Variants in CCNJL observed in about 807,000 individuals in gnomAD.
The protein encoded by CCNJL is cyclin J like.
In CCNJL, 33 loss-of-function variants were observed where a neutral mutation model predicts 33.4. The observed-to-expected ratio is 0.99, with a 90% CI of 0.75 to 1.32. The LOEUF (loss-of-function observed/expected upper bound fraction) is 1.32. Ranked by LOEUF, CCNJL falls within the 40% of genes most tolerant of loss-of-function variation. The pLI, the probability that CCNJL is intolerant of heterozygous loss-of-function variation, is 0.00. For synonymous variants in CCNJL, 227 were observed against 220.9 expected, an observed-to-expected ratio of 1.03 and a Z score of -0.24; for missense variants, 512 against 499.7, an observed-to-expected ratio of 1.02 and a Z score of -0.23.
At chr5:160,273,669 CAG>C (rs1175889901) in intron 3 of CCNJL, among the ~76,000 whole-genome samples, 1 of 104,098 alleles carries the variant, frequency 9.6e-6, no homozygotes, top group Non-Finnish European at 1.8e-5. Flanking sequence ...TTTTTTGAGA[CAG>C]AGTCTCACTC....
chr5:160,326,743 C>T (rs1763541904), intron 1 of CCNJL: 1 of 872,802 alleles, frequency 1.1e-6, no homozygotes, highest in Non-Finnish European at 1.9e-6. Context: ...TGGTGCAGCC[C>T]ATCAATCTCA....
intron 1 of CCNJL, among the ~76,000 whole-genome samples, chr5:160,337,272 C>T (rs1195179663): frequency 1.3e-5 from 2 of 151,592 alleles, no homozygotes; most frequent in East Asian, 3.9e-4. Flanking sequence ...TGTCTCGCCT[C>T]GCCTCCCAAA....
In CCNJL at chr5:160,280,555, T is replaced by C; in HGVS notation, c.250A>G (p.Thr84Ala). The change falls in exon 3 of 6, where the codon ACC becomes GCC. Residue 84 changes from threonine (T) to alanine (A), a missense_variant. Coordinates refer to ENST00000257536, the MANE Select transcript of CCNJL (RefSeq NM_001308173.3). The stretch of plus-strand genomic sequence containing the variant: ...AGCAGGAGGCAGGAGACGGCCACGG[T>C]GTAGAGCTGCTTGGAGGTGGTGACG... ...YNVTTSKQLY[T>A]VAVSCLLLAS... The C allele has an allele frequency of 6.2e-7, 1 of 1,613,030 alleles. No homozygotes were observed. The highest frequency in any genetic ancestry group is 8.5e-7 in the Non-Finnish European group (1 of 1,179,934).
intron 2 of CCNJL, among the ~76,000 whole-genome samples, chr5:160,303,448 C>T (rs936409849): frequency 6.6e-6 from 1 of 151,756 alleles, no homozygotes; most frequent in Non-Finnish European, 1.5e-5. Context: ...TCAAGTGAGC[C>T]ACCTGCCTCA....
intron 1 of CCNJL, among the ~76,000 whole-genome samples, chr5:160,320,175 C>T (rs1763422705): frequency 6.6e-6 from 1 of 152,156 alleles, no homozygotes; most frequent in Non-Finnish European, 1.5e-5. Flanking sequence ...CATGAAGAAT[C>T]ATGAGGTATA....
At chr5:160,304,540 G>A (rs1348274704) in intron 2 of CCNJL, among the ~76,000 whole-genome samples, 2 of 150,142 alleles carry the variant, frequency 1.3e-5, no homozygotes, top group Non-Finnish European at 3.0e-5. Context: ...AGATAGCCCT[G>A]CCATTAGAGG....
rs70990720 is a variant in CCNJL at position 160,282,966 on chromosome 5, AATATATATATATATATATATATAT to A, written c.67-2252_67-2229del. ...GTGACCCAGCCATTCCAGTCCTTGG[AATATATATATATATATATATATAT>A]ATATATATATATATATATACATATA... On this transcript the variant is annotated intron_variant, in intron 2 of 5. Coordinates refer to ENST00000257536, the MANE Select transcript of CCNJL (RefSeq NM_001308173.3). Among the ~76,000 whole-genome samples the A allele has an allele frequency of 2.5e-3, 110 of 43,392 alleles. 5 individuals are homozygous for A. The highest frequency in any genetic ancestry group is 5.1e-3 in the South Asian group (6 of 1,180). 28.5% of individuals were successfully genotyped at this position (43,392 alleles called of 152,430 possible). A position where few individuals can be genotyped will look rare whatever the true frequency, so the allele number is the denominator to read the frequency against.
chr5:160,290,134 G>GTGAA (rs1762535816), intron 2 of CCNJL, among the ~76,000 whole-genome samples: 1 of 152,218 alleles, frequency 6.6e-6, no homozygotes, highest in Non-Finnish European at 1.5e-5. Context: ...AGGGGAGGAA[G>GTGAA]TGAAGTCCTC....
chr5:160,314,199 G>T (rs1025116150), upstream of CCNJL, among the ~76,000 whole-genome samples: 3 of 152,112 alleles, frequency 2.0e-5, no homozygotes, highest in African/African-American at 7.2e-5. Context: ...AAACTGGGGG[G>T]ACAGACCTGT....
chr5:160,330,732 C>T (rs772899989), intron 1 of CCNJL, among the ~76,000 whole-genome samples: 6 of 151,604 alleles, frequency 4.0e-5, no homozygotes, highest in South Asian at 4.2e-4. Context: ...GGTGCGGTCT[C>T]GGCTAACTGC....
intron 3 of CCNJL, among the ~76,000 whole-genome samples, chr5:160,273,121 G>A (rs978628229): frequency 6.6e-5 from 10 of 152,198 alleles, no homozygotes; most frequent in African/African-American, 2.2e-4. Flanking sequence ...TGTTATTCAT[G>A]TCAGTTATGC....
chr5:160,304,226 C>T (rs921983203), intron 2 of CCNJL, among the ~76,000 whole-genome samples: 1 of 152,210 alleles, frequency 6.6e-6, no homozygotes, highest in African/African-American at 2.4e-5. Flanking sequence ...CAAGTGACAA[C>T]GCCAAGTTCT....
At chr5:160,307,568 T>C (rs563169163) in intron 2 of CCNJL, among the ~76,000 whole-genome samples, 2 of 152,308 alleles carry the variant, frequency 1.3e-5, no homozygotes, top group South Asian at 2.1e-4. Context: ...TGGACAGACC[T>C]GGCACAGACT....
At chr5:160,291,711 T>G (rs1199858849) in intron 2 of CCNJL, among the ~76,000 whole-genome samples, 3 of 152,202 alleles carry the variant, frequency 2.0e-5, no homozygotes, top group Admixed American at 6.5e-5. Context: ...TTGCCGAGAT[T>G]AAGAACCACA....
chr5:160,339,300 A>G (rs1763720871), intron 1 of CCNJL: 1 of 226,874 alleles, frequency 4.4e-6, no homozygotes, highest in South Asian at 6.4e-5. Flanking sequence ...CAAATGTATA[A>G]TTGCCAGAGT....
At chr5:160,296,246 C>T (rs926809438) in intron 2 of CCNJL, among the ~76,000 whole-genome samples, 2 of 152,218 alleles carry the variant, frequency 1.3e-5, no homozygotes, top group African/African-American at 4.8e-5. Context: ...TTAACAGTTG[C>T]TAGCACTCTG....
At chr5:160,269,144 A>G (rs1021635126) in intron 3 of CCNJL, among the ~76,000 whole-genome samples, 1 of 152,250 alleles carries the variant, frequency 6.6e-6, no homozygotes, top group Admixed American at 6.5e-5. Context: ...GCATTCGGCC[A>G]GCTGGGTCAC....
chr5:160,337,003 C>CTTTTTTTTTTTTTTTTTTT (rs35461944), intron 1 of CCNJL, among the ~76,000 whole-genome samples: 3 of 95,062 alleles, frequency 3.2e-5, no homozygotes, highest in Non-Finnish European at 6.0e-5. Flanking sequence ...CTTTTTCTTT[C>CTTTTTTTTTTTTTTTTTTT]TTTTTTTTTT....
At chr5:160,313,530 T>A (rs1323103482), upstream of CCNJL, among the ~76,000 whole-genome samples, 4 of 152,158 alleles carry the variant, frequency 2.6e-5, no homozygotes, top group Non-Finnish European at 5.9e-5. Context: ...TTCCTGCACA[T>A]AAAGACACAC....
Sources: allele counts gnomAD v4.1 joint callset (sites outside exome capture counted in the v4.1 genomes callset), GRCh38; gene constraint gnomAD v4.1.1; transcripts MANE v1.5; gene names NCBI Gene and HGNC (gene_info 2026-07-23, HGNC 2026-07-21).